Variants in DOCK8 observed in about 807,000 individuals in gnomAD.
The protein encoded by DOCK8 is dedicator of cytokinesis protein 8.
DOCK8 carries 141 observed loss-of-function variants against 245.6 expected under a neutral mutation model. The ratio of observed to expected loss-of-function variants is 0.57; its 90% CI spans 0.50 to 0.66. DOCK8 has a LOEUF of 0.66. Among genes scored for constraint, DOCK8 ranks in the 30% least tolerant of loss-of-function variants. DOCK8 has a pLI of 0.00. For synonymous variants in DOCK8, 1,168 were observed against 970.2 expected (o/e 1.20, Z -3.79); for missense variants, 2,965 against 2,603.4 (o/e 1.14, Z -3.02).
At chr9:379,694 C>A in intron 20 of DOCK8, 77 bp from the exon 21 acceptor site, 4 of 1,521,960 alleles carry the variant, frequency 2.6e-6, no homozygotes, top group Non-Finnish European at 3.6e-6. Context: ...CTCATTGTCA[C>A]TGTCCTGGAG....
In DOCK8 at chr9:418,185, G is replaced by T. The variant is rs755259505; in HGVS notation, c.3818G>T (p.Ser1273Ile). 1.2e-6 allele frequency: 2 copies of T among 1,614,232 alleles called. No individual in the cohort carries two copies. Among genetic ancestry groups the T allele is most frequent in the Non-Finnish European group, 1.7e-6 (2 of 1,180,030 alleles). The change falls in exon 30 of 48, where the codon AGT becomes ATT. Residue 1273 changes from serine (S) to isoleucine (I), a missense_variant. Ser to Ile is a moderately radical substitution (Grantham distance 142). This residue lies in a region of DOCK8 where 2,825 missense variants were observed against 2,453.5 expected (regional missense o/e 1.15). Transcript: ENST00000432829. ...IAGNNFNLKT[S>I]GIVLSSLPYK... ...GGGAATAATTTCAATTTGAAAACAA[G>T]TGGAATAGTGCTGTCTTCCTTGGTA...
chr9:262,831 GCTT>G (rs1213243639), intron 1 of DOCK8, among the ~76,000 whole-genome samples: 3 of 152,134 alleles, frequency 2.0e-5, no homozygotes, highest in African/African-American at 7.2e-5. Context: ...AGTAAAATGT[GCTT>G]CTTATAAGTA....
chr9:392,485 A>C (rs1347290072), intron 24 of DOCK8, among the ~76,000 whole-genome samples: 3 of 152,162 alleles, frequency 2.0e-5, no homozygotes, highest in Non-Finnish European at 4.4e-5. Flanking sequence ...AATAAAGCAG[A>C]GATTCTTTCT....
At chr9:325,102 C>T (rs1046675251) in intron 7 of DOCK8, among the ~76,000 whole-genome samples, 8 of 148,686 alleles carry the variant, frequency 5.4e-5, no homozygotes, top group Non-Finnish European at 1.2e-4. Context: ...CTCAGAATAA[C>T]AACCCCCGGC....
At position 405,041 on chromosome 9, in the gene DOCK8, C is replaced by G. The variant is rs1458611032; in HGVS notation, c.3358C>G (p.Pro1120Ala). ...TTTTTTTATGAATGCTGATACTGCT[C>G]CAACATCTCCTTGTCCTTCCATATC... ...NLFFMNADTA[P>A]TSPCPSISSQ... Residue 1120 changes from proline (P) to alanine (A), a missense_variant, in exon 27 of 48, where the codon CCA becomes GCA. By Grantham distance (27) the Pro-to-Ala change is conservative (BLOSUM62 -1). This residue lies in a region of DOCK8 where 2,825 missense variants were observed against 2,453.5 expected (regional missense o/e 1.15). Transcript: ENST00000432829. 1 of 1,613,846 alleles carries G rather than the reference C, an allele frequency of 6.2e-7. No individual in the cohort carries two copies.
At position 317,057 on chromosome 9, in the gene DOCK8, A is replaced by G. The variant is rs2050378034; in HGVS notation, c.756A>G (p.Glu252=). 1.2e-6 allele frequency: 2 copies of G among 1,613,586 alleles called. No individual in the cohort carries two copies. Among genetic ancestry groups the G allele is most frequent in the Admixed American group, 3.3e-5 (2 of 59,992 alleles). ...YPSVDEEDAV[E]IRPVPECPKE... The stretch of plus-strand genomic sequence containing the variant: ...ATTAAAAATAGGAGGATGCTGTGGA[A>G]ATACGTCCAGTACCAGAATGTCCCA... Residue 252 remains glutamate (E), a synonymous_variant, in exon 7 of 48, where the codon GAA becomes GAG. Transcript: ENST00000432829.
At chr9:436,497 A>G (rs1272906010) in intron 39 of DOCK8, among the ~76,000 whole-genome samples, 3 of 152,226 alleles carry the variant, frequency 2.0e-5, no homozygotes, top group Non-Finnish European at 4.4e-5. Context: ...TTCATTTACT[A>G]AATTATTTTA....
intron 46 of DOCK8, chr9:458,030 T>G (rs1223613269): frequency 1.3e-5 from 2 of 152,224 alleles, no homozygotes; most frequent in Non-Finnish European, 2.9e-5. Context: ...TTAATTGCCA[T>G]GCTGAGCTGT....
rs1295021537 is a variant in DOCK8, at chr9:372,182, C to T, written c.2008-3C>T. On this transcript the variant is annotated splice_region_variant and splice_polypyrimidine_tract_variant and intron_variant, in intron 17 of 47. Coordinates refer to ENST00000432829, the MANE Select transcript of DOCK8 (RefSeq NM_203447.4). ...ACTTTATTATTTACATCATCTGTTT[C>T]AGTGGCTGCCAATTCTCTTAAATGA... is the stretch of plus-strand genomic sequence containing the variant. The T allele has an allele frequency of 1.2e-6, 2 of 1,612,984 alleles. No homozygotes were observed. The highest frequency in any genetic ancestry group is 1.1e-5 in the South Asian group (1 of 91,074).
intron 35 of DOCK8, 127 bp downstream of exon 35, chr9:428,623 A>C (rs1015547980): frequency 1.2e-5 from 14 of 1,216,602 alleles, no homozygotes; most frequent in Non-Finnish European, 1.5e-5. Flanking sequence ...TAAAGGTCTT[A>C]AGTCTTCCTA....
At chr9:272,856 G>C (rs2048199632) in intron 2 of DOCK8, 2 of 164,074 alleles carry the variant, frequency 1.2e-5, no homozygotes, top group Admixed American at 6.5e-5. Flanking sequence ...AAAACCAGCA[G>C]TGAATATTCA....
intron 1 of DOCK8, chr9:215,465 G>A (rs2046728405): frequency 1.3e-6 from 2 of 1,482,714 alleles, no homozygotes; most frequent in East Asian, 5.2e-5. Flanking sequence ...AATTAGAGTT[G>A]CGTTTGAGGC....
At chr9:229,036 G>A (rs992651680) in intron 1 of DOCK8, among the ~76,000 whole-genome samples, 1 of 152,148 alleles carries the variant, frequency 6.6e-6, no homozygotes, top group Non-Finnish European at 1.5e-5. Context: ...AAGCTGCAAG[G>A]CTTCTTGAGG....
intron 14 of DOCK8, among the ~76,000 whole-genome samples, chr9:356,944 C>G (rs1220250418): frequency 6.6e-6 from 1 of 152,096 alleles, no homozygotes; most frequent in East Asian, 1.9e-4. Context: ...TAGGTTTCCC[C>G]AGCAGATTTC....
chr9:377,122 G>C lies in DOCK8; in HGVS notation c.2351G>C (p.Arg784Pro), dbSNP rs376140410. ...AGCATCATCTGCCTGAACTCCTCCC[G>C]CCTGGAGCCGCTCGTGCTCTTCCTG... ...KLSIICLNSS[R>P]LEPLVLFLHL... Residue 784 changes from arginine to proline, a missense_variant, in exon 20 of 48, where the codon CGC (arginine) becomes CCC (proline). By Grantham distance (103) the Arg-to-Pro change is moderately radical. Around this residue, in one of 3 missense-constraint regions of DOCK8, gnomAD observed 2,825 missense variants for 2,453.5 expected, o/e 1.15. Coordinates refer to ENST00000432829, the MANE Select transcript of DOCK8 (RefSeq NM_203447.4). The C allele has an allele frequency of 1.2e-6, 2 of 1,609,994 alleles. No homozygotes were observed.
chr9:265,146 G>A lies in DOCK8; in HGVS notation c.54-6481G>A, dbSNP rs191300798. Among the ~76,000 whole-genome samples, 1,082 of 152,250 alleles carry A rather than the reference G, an allele frequency of 7.1e-3. 4 individuals are homozygous for A. The highest frequency in any genetic ancestry group is 0.01 in the Non-Finnish European group (702 of 68,016). Reference sequence around the variant, plus strand: ...GGGGTCTCACCATGTTGGCCAGGCTGGTCTTGAACTCCTGACCGCAGGTGA... The same window carrying A: ...GGGGTCTCACCATGTTGGCCAGGCTAGTCTTGAACTCCTGACCGCAGGTGA... On this transcript the variant is annotated intron_variant, in intron 1 of 47. Coordinates refer to ENST00000432829, the MANE Select transcript of DOCK8 (RefSeq NM_203447.4).
Position 341,044 on chromosome 9 carries a change from A to G in DOCK8, c.1679+723A>G, listed in dbSNP as rs149940806. Among the ~76,000 whole-genome samples the G allele has an allele frequency of 2.5e-3, 380 of 152,382 alleles. 1 individual carries two copies. The highest frequency in any genetic ancestry group is 7.0e-3 in the African/African-American group (291 of 41,590). On this transcript the variant is annotated intron_variant, in intron 14 of 47. Coordinates refer to ENST00000432829, the MANE Select transcript of DOCK8 (RefSeq NM_203447.4). Reference sequence around the variant, plus strand: ...CAGAATTTACAGCAATAACATAATAATAGCACACATTCCAATAGCATTTAC... The same window carrying G: ...CAGAATTTACAGCAATAACATAATAGTAGCACACATTCCAATAGCATTTAC...
chr9:419,973 C>A lies in DOCK8; in HGVS notation c.3841-428C>A. ...AGCAAGCTTATTCATGGCACCCAGCCAGTTTCCTTCTCCCCTGTAAGTCTA... is the reference window on the plus strand; with the variant it reads ...AGCAAGCTTATTCATGGCACCCAGCAAGTTTCCTTCTCCCCTGTAAGTCTA... On this transcript the variant is annotated intron_variant, in intron 30 of 47. Coordinates refer to ENST00000432829, the MANE Select transcript of DOCK8 (RefSeq NM_203447.4). 4 of 263,144 alleles carry A rather than the reference C, an allele frequency of 1.5e-5. 1 individual carries two copies. The South Asian group carries it at 1.9e-4, about 13-fold the overall frequency. 16.3% of individuals were successfully genotyped at this position (263,144 alleles called of 1,614,324 possible).
chr9:370,994 G>A (rs899570006), intron 16 of DOCK8, among the ~76,000 whole-genome samples: 3 of 152,192 alleles, frequency 2.0e-5, no homozygotes, highest in African/African-American at 7.2e-5. Context: ...TCATAATGCA[G>A]TTAAATTGGT....
Sources: allele counts gnomAD v4.1 joint callset (sites outside exome capture counted in the v4.1 genomes callset), GRCh38; gene constraint gnomAD v4.1.1; regional missense constraint gnomAD v4.1.1; transcripts MANE v1.5; gene names NCBI Gene and HGNC (gene_info 2026-07-23, HGNC 2026-07-21).